LRP1B: variants seen among roughly 807,000 people sequenced by gnomAD.
The protein encoded by LRP1B is low-density lipoprotein receptor-related protein 1B.
A neutral mutation model predicts 556.6 loss-of-function variants in LRP1B; 217 were observed. The observed-to-expected ratio is 0.39, with a 90% CI of 0.35 to 0.44. The LOEUF is 0.44. Ranked by LOEUF, LRP1B falls within the 20% of genes least tolerant of loss-of-function variation. The pLI is 1.00. For synonymous variants in LRP1B, 2,047 were observed against 1,865.8 expected (o/e 1.10, Z -2.50); for missense variants, 5,053 against 5,620.8 (o/e 0.90, Z 3.23).
At chr2:140,338,329 T>A (rs1229482041) in intron 77 of LRP1B, among the ~76,000 whole-genome samples, 1 of 151,686 alleles carries the variant, frequency 6.6e-6, no homozygotes, top group African/African-American at 2.4e-5. Flanking sequence ...TCATCCTCAA[T>A]GACTCACAAT....
chr2:141,390,536 A>G (rs137935270), intron 3 of LRP1B, among the ~76,000 whole-genome samples: 35 of 152,374 alleles, frequency 2.3e-4, no homozygotes, highest in Middle Eastern at 3.4e-3. Context: ...AAAAGTCTGG[A>G]TGTTCTTCAA....
chr2:140,883,970 C>G lies in LRP1B; in HGVS notation c.4016G>C (p.Gly1339Ala), dbSNP rs1480733983. 6.2e-7 allele frequency: 1 copy of G among 1,613,286 alleles called. No homozygotes were observed. The highest frequency in any genetic ancestry group is 8.5e-7 in the Non-Finnish European group (1 of 1,179,904). ...TCCTGCTATCCAGTCGACTGTCAGG[C>G]CTTCTGGAGTAGCCAGGCCATGCTC... The part of the protein sequence containing the change: ...VVEHGLATPE[G>A]LTVDWIAGNI... Residue 1339 changes from glycine to alanine, a missense_variant, in exon 25 of 91, where the codon GGC becomes GCC. Physicochemically the swap from Gly to Ala is moderately conservative, Grantham distance 60. Coordinates refer to ENST00000389484, the MANE Select transcript of LRP1B (RefSeq NM_018557.3).
rs575039882 is a variant in LRP1B, at chr2:141,035,947, T to G, written c.1789+13039A>C. ...AAAGAAAACAGTTTTAAAAACTATT[T>G]CCATCTTGTTCCTCAAATTCCTATT... On this transcript the variant is annotated intron_variant, in intron 11 of 90. Transcript: ENST00000389484. Among the ~76,000 whole-genome samples, 501 of 152,226 alleles carry G rather than the reference T, an allele frequency of 3.3e-3. 5 individuals are homozygous for G. The highest frequency in any genetic ancestry group is 0.011 in the African/African-American group (477 of 41,562).
intron 84 of LRP1B, among the ~76,000 whole-genome samples, chr2:140,289,247 A>G (rs1222978990): frequency 6.6e-6 from 1 of 152,010 alleles, no homozygotes; most frequent in Non-Finnish European, 1.5e-5. Flanking sequence ...AAGTAGTATG[A>G]AATAAAGTCC....
chr2:141,883,993 T>C (rs753247467), intron 1 of LRP1B, among the ~76,000 whole-genome samples: 2 of 152,170 alleles, frequency 1.3e-5, no homozygotes, highest in Non-Finnish European at 2.9e-5. Flanking sequence ...GCAACCAAAT[T>C]GTTTTTCATT....
chr2:140,285,612 T>C (rs577455397), intron 84 of LRP1B, among the ~76,000 whole-genome samples: 12 of 151,876 alleles, frequency 7.9e-5, no homozygotes, highest in South Asian at 2.1e-4. Context: ...TTTATTGATA[T>C]GTAATAATCA....
Position 140,770,958 on chromosome 2 carries a change from A to G in LRP1B, c.5549T>C (p.Leu1850Ser). Residue 1850 changes from leucine to serine, a missense_variant, in exon 34 of 91, where the codon TTA becomes TCA. Physicochemically the swap from Leu to Ser is moderately radical, Grantham distance 145. Around this residue, in one of 5 missense-constraint regions of LRP1B, gnomAD observed 3,619 missense variants for 3,931.9 expected, o/e 0.92. Coordinates refer to ENST00000389484, the MANE Select transcript of LRP1B (RefSeq NM_018557.3). ...AGTCCTTGTAGTTTCAGATGTTGGT[A>G]AACAAAGTTGAGAGCATCCACCATT... Reference protein sequence around the residue: ...LNNGGCSQLCLPTSETTRTCM... With the variant: ...LNNGGCSQLCSPTSETTRTCM... 1 of 1,591,728 alleles carries G rather than the reference A, an allele frequency of 6.3e-7. No homozygotes were observed. The highest frequency in any genetic ancestry group is 8.5e-7 in the Non-Finnish European group (1 of 1,171,046).
At chr2:140,274,664 T>C (rs2104953131) in intron 84 of LRP1B, 66 bp from the exon 85 acceptor site, 1 of 1,323,442 alleles carries the variant, frequency 7.6e-7, no homozygotes, top group East Asian at 2.5e-5. Context: ...CAGTCATAAT[T>C]AAGGTGACCC....
intron 7 of LRP1B, among the ~76,000 whole-genome samples, chr2:141,153,741 T>C (rs995103524): frequency 1.3e-5 from 2 of 150,336 alleles, no homozygotes; most frequent in Non-Finnish European, 3.0e-5. Context: ...CTAGGAAATA[T>C]CTTCAAGATG....
chr2:140,975,441 T>C (rs772203680), intron 18 of LRP1B, among the ~76,000 whole-genome samples: 2 of 152,174 alleles, frequency 1.3e-5, no homozygotes, highest in African/African-American at 4.8e-5. Flanking sequence ...GAAAAGATGT[T>C]ACTCATTTCC....
intron 36 of LRP1B, among the ~76,000 whole-genome samples, chr2:140,716,418 AAC>A (rs1441975355): frequency 1.3e-5 from 2 of 152,084 alleles, no homozygotes; most frequent in East Asian, 3.9e-4. Flanking sequence ...GAGAACTTCT[AAC>A]ACTTGTTTAC....
intron 17 of LRP1B, among the ~76,000 whole-genome samples, chr2:140,984,267 TC>T (rs1558781984): frequency 6.6e-6 from 1 of 151,964 alleles, no homozygotes; most frequent in South Asian, 2.1e-4. Context: ...CTTGTTTACT[TC>T]CTTTCACCCT....
intron 41 of LRP1B, among the ~76,000 whole-genome samples, chr2:140,655,942 C>CAAAAAA (rs369787900): frequency 1.4e-5 from 2 of 146,190 alleles, no homozygotes; most frequent in African/African-American, 2.5e-5. Context: ...GACTCCGTCT[C>CAAAAAA]AAAAAAAACA....
At chr2:141,412,550 T>C (rs968765633) in intron 3 of LRP1B, among the ~76,000 whole-genome samples, 138 of 132,544 alleles carry the variant, frequency 1.0e-3, no homozygotes, top group African/African-American at 3.9e-3. Context: ...TATTAAGACT[T>C]TGTGTATGTA....
chr2:140,658,302 T>C (rs1448988095), intron 41 of LRP1B, among the ~76,000 whole-genome samples: 1 of 152,030 alleles, frequency 6.6e-6, no homozygotes, highest in Non-Finnish European at 1.5e-5. Context: ...ATATTTAATG[T>C]CAAATTATAT....
chr2:140,299,889 G>T (rs999132311), intron 83 of LRP1B, among the ~76,000 whole-genome samples: 2 of 152,092 alleles, frequency 1.3e-5, no homozygotes, highest in Admixed American at 6.6e-5. Flanking sequence ...CTGAAAAGGT[G>T]CCACACAAAC....
intron 3 of LRP1B, among the ~76,000 whole-genome samples, chr2:141,286,207 T>C (rs1400999684): frequency 6.6e-6 from 1 of 152,178 alleles, no homozygotes; most frequent in African/African-American, 2.4e-5. Context: ...TCTATGTGCC[T>C]TTTGAAATGT....
intron 1 of LRP1B, among the ~76,000 whole-genome samples, chr2:142,056,552 T>C (rs528225604): frequency 1.3e-5 from 2 of 152,190 alleles, no homozygotes; most frequent in Admixed American, 1.3e-4. Flanking sequence ...CAAAGACATA[T>C]AAGCTTTATT....
chr2:140,287,560 T>C (rs2104979255), intron 84 of LRP1B, among the ~76,000 whole-genome samples: 1 of 150,230 alleles, frequency 6.7e-6, no homozygotes, highest in East Asian at 2.0e-4. Context: ...ACTAATAAAA[T>C]ACAAATTGTT....
Sources: allele counts gnomAD v4.1 joint callset (sites outside exome capture counted in the v4.1 genomes callset), GRCh38; gene constraint gnomAD v4.1.1; regional missense constraint gnomAD v4.1.1; transcripts MANE v1.5; gene names NCBI Gene and HGNC (gene_info 2026-07-23, HGNC 2026-07-21).